ENTHD1: variants seen among roughly 807,000 people sequenced by gnomAD.
ENTHD1 encodes ENTH domain containing 1, also known as ENTH domain-containing protein 1.
A neutral mutation model predicts 39.1 loss-of-function variants in ENTHD1; 23 were observed. The observed-to-expected ratio is 0.59, with a 90% confidence interval of 0.42 to 0.83. The LOEUF (loss-of-function observed/expected upper bound fraction) is 0.83, where lower values mean the gene tolerates loss of function less well. ENTHD1 is among the 40% of genes least tolerant of loss of function. The pLI is 0.00. For missense variants in ENTHD1, 624 were observed against 705.4 expected (o/e 0.88, Z 1.31); for synonymous variants, 230 against 258.2 (o/e 0.89, Z 1.05).
intron 2 of ENTHD1, chr22:39,875,665 C>T (rs1488759077): frequency 2.5e-6 from 4 of 1,611,864 alleles, no homozygotes; most frequent in East Asian, 2.2e-5. Flanking sequence ...CTGTGGGTGT[C>T]GCATATGCTG....
chr22:39,892,387 T>C (rs930479266), intron 1 of ENTHD1, among the ~76,000 whole-genome samples: 3 of 152,218 alleles, frequency 2.0e-5, no homozygotes, highest in Non-Finnish European at 2.9e-5. Flanking sequence ...GAAATTCTCT[T>C]TTGGGTGCGG....
intron 5 of ENTHD1, among the ~76,000 whole-genome samples, chr22:39,802,559 A>G (rs1027002685): frequency 6.6e-6 from 1 of 152,236 alleles, no homozygotes; most frequent in Non-Finnish European, 1.5e-5. Flanking sequence ...GCTCCTACGC[A>G]GAAAGGCAGG....
chr22:39,800,635 T>C (rs767707136), intron 5 of ENTHD1, among the ~76,000 whole-genome samples: 1 of 152,234 alleles, frequency 6.6e-6, no homozygotes, highest in Non-Finnish European at 1.5e-5. Flanking sequence ...GTTACTGATA[T>C]AGCATTTGCC....
chr22:39,807,858 G>A (rs1234741495), intron 5 of ENTHD1, among the ~76,000 whole-genome samples: 1 of 151,794 alleles, frequency 6.6e-6, no homozygotes, highest in Non-Finnish European at 1.5e-5. Flanking sequence ...TCTTGTTTTA[G>A]GGGTGTGTGT....
intron 5 of ENTHD1, among the ~76,000 whole-genome samples, chr22:39,781,371 CA>C (rs1434440929): frequency 6.6e-6 from 1 of 151,892 alleles, no homozygotes; most frequent in Non-Finnish European, 1.5e-5. Flanking sequence ...GGAAAGTTCA[CA>C]AACACATGGA....
rs116028784 is a variant in ENTHD1, at chr22:39,855,270, A to T, written c.592+6495T>A. Among the ~76,000 whole-genome samples, 312 of 152,354 alleles carry T rather than the reference A, an allele frequency of 2.0e-3. 2 individuals are homozygous for T. Among genetic ancestry groups the T allele is most frequent in the African/African-American group, 7.0e-3 (293 of 41,572 alleles). On this transcript the variant is annotated intron_variant, in intron 3 of 6. Transcript: ENST00000325157. ...CTACAATGGTTCCTAGTTGCTACTC[A>T]TATCAAACTGAGTTTATTAGCTCAT...
Position 39,835,902 on chromosome 22 carries a change from T to C in ENTHD1, c.649A>G (p.Thr217Ala), listed in dbSNP as rs1601628874. ...GTTTCCTGGGACAACATAGTTTCTG[T>C]AGGCAAATGAACATCTTGGCAATGC... ...QEHCQDVHLP[T>A]ETMLSQETLP... The change falls in exon 4 of 7, where the codon ACA becomes GCA. Residue 217 changes from threonine (T) to alanine (A), a missense_variant. Transcript: ENST00000325157. The C allele has an allele frequency of 1.9e-6, 3 of 1,610,484 alleles. No individual in the cohort carries two copies. Among genetic ancestry groups the C allele is most frequent in the South Asian group, 1.1e-5 (1 of 90,244 alleles).
intron 5 of ENTHD1, among the ~76,000 whole-genome samples, chr22:39,778,831 C>A (rs1339486435): frequency 6.6e-6 from 1 of 152,108 alleles, no homozygotes; most frequent in Non-Finnish European, 1.5e-5. Context: ...CACATATTTT[C>A]ATTCATGCAA....
At chr22:39,805,068 C>G (rs1415716412) in intron 5 of ENTHD1, among the ~76,000 whole-genome samples, 2 of 152,194 alleles carry the variant, frequency 1.3e-5, no homozygotes, top group Non-Finnish European at 2.9e-5. Flanking sequence ...CAGGGAGGGG[C>G]TGGTCATCCA....
chr22:39,882,534 A>G (rs1272380637), intron 2 of ENTHD1, among the ~76,000 whole-genome samples: 1 of 152,204 alleles, frequency 6.6e-6, no homozygotes, highest in African/African-American at 2.4e-5. Flanking sequence ...GATTGGAAAC[A>G]TGTTAAGGGG....
chr22:39,800,438 T>G (rs1213653149), intron 5 of ENTHD1, among the ~76,000 whole-genome samples: 1 of 152,240 alleles, frequency 6.6e-6, no homozygotes, highest in Non-Finnish European at 1.5e-5. Flanking sequence ...CATGTCAGGA[T>G]GAGATTAATC....
chr22:39,797,169 G>A (rs1299281484), intron 5 of ENTHD1, among the ~76,000 whole-genome samples: 1 of 152,060 alleles, frequency 6.6e-6, no homozygotes. Context: ...TCTGATATTA[G>A]TATAGGTATT....
chr22:39,765,131 A>C, intron 6 of ENTHD1, 92 bp downstream of exon 6: 2 of 1,438,176 alleles, frequency 1.4e-6, no homozygotes, highest in East Asian at 2.5e-5. Flanking sequence ...AAAAGGAGAC[A>C]GAAAGCAGAG....
chr22:39,745,450 G>C (rs1332810315), intron 6 of ENTHD1, among the ~76,000 whole-genome samples: 1 of 152,132 alleles, frequency 6.6e-6, no homozygotes, highest in African/African-American at 2.4e-5. Flanking sequence ...AAAAACTATG[G>C]CCAGGGCAGG....
intron 5 of ENTHD1, among the ~76,000 whole-genome samples, chr22:39,772,345 G>A (rs1043883667): frequency 1.3e-5 from 2 of 152,158 alleles, no homozygotes; most frequent in African/African-American, 4.8e-5. Context: ...GTTCCTAACA[G>A]GTCACAGACT....
chr22:39,760,849 G>C (rs1217056456), intron 6 of ENTHD1, among the ~76,000 whole-genome samples: 1 of 151,924 alleles, frequency 6.6e-6, no homozygotes, highest in Non-Finnish European at 1.5e-5. Flanking sequence ...ACTATTTCAT[G>C]TAAAATATAG....
chr22:39,834,744 G>A (rs1253658233), intron 4 of ENTHD1, among the ~76,000 whole-genome samples: 3 of 152,076 alleles, frequency 2.0e-5, no homozygotes, highest in African/African-American at 4.8e-5. Flanking sequence ...ATGAATGAAT[G>A]GTTGAACAAA....
At chr22:39,886,781 G>A (rs758253181) in intron 2 of ENTHD1, among the ~76,000 whole-genome samples, 8 of 152,012 alleles carry the variant, frequency 5.3e-5, no homozygotes, top group Admixed American at 2.6e-4. Context: ...TTCCGCCCCC[G>A]AAAGAATTAT....
At chr22:39,790,532 C>G (rs2146599960) in intron 5 of ENTHD1, among the ~76,000 whole-genome samples, 1 of 152,328 alleles carries the variant, frequency 6.6e-6, no homozygotes, top group South Asian at 2.1e-4. Flanking sequence ...GGCAGCCCTA[C>G]TGGACAAGCC....
Sources: allele counts gnomAD v4.1 joint callset (sites outside exome capture counted in the v4.1 genomes callset), GRCh38; gene constraint gnomAD v4.1.1; transcripts MANE v1.5; gene names NCBI Gene and HGNC (gene_info 2026-07-23, HGNC 2026-07-21).